The following SEMA6D variants were observed in gnomAD, a reference collection of about 807,000 sequenced individuals.
SEMA6D encodes semaphorin-6D.
A neutral mutation model predicts 106.6 loss-of-function variants in SEMA6D; 35 were observed. That is an observed-to-expected ratio of 0.33 (90% CI 0.25 to 0.44). The LOEUF is 0.44. Among genes scored for constraint, SEMA6D ranks in the 20% least tolerant of loss-of-function variants. The probability of loss-of-function intolerance (pLI) is 1.00; values close to 1 mark genes in which losing one functional copy is unlikely to be tolerated. For missense variants in SEMA6D, 1,185 were observed against 1,345.9 expected, an observed-to-expected ratio of 0.88 and a Z score of 1.87; for synonymous variants, 499 against 487.7, an observed-to-expected ratio of 1.02 and a Z score of -0.31.
At chr15:47,437,016 G>A (rs982707198) in intron 2 of SEMA6D, among the ~76,000 whole-genome samples, 1 of 104,810 alleles carries the variant, frequency 9.5e-6, no homozygotes, top group African/African-American at 3.6e-5. Flanking sequence ...GGAAAGAAAA[G>A]AAAGAAAGAG....
chr15:47,658,584 G>T (rs1452344647), intron 4 of SEMA6D, among the ~76,000 whole-genome samples: 1 of 152,102 alleles, frequency 6.6e-6, no homozygotes, highest in Non-Finnish European at 1.5e-5. Context: ...ACTGGACAAA[G>T]GTACTTGTGT....
chr15:47,364,244 A>T (rs1055922968), intron 1 of SEMA6D, among the ~76,000 whole-genome samples: 4 of 152,158 alleles, frequency 2.6e-5, no homozygotes, highest in African/African-American at 7.2e-5. Context: ...TCCTGGTAGG[A>T]GGTTGTGGAA....
intron 1 of SEMA6D, among the ~76,000 whole-genome samples, chr15:47,409,825 G>A (rs1440459935): frequency 6.6e-6 from 1 of 151,522 alleles, no homozygotes; most frequent in Non-Finnish European, 1.5e-5. Context: ...GACATGCTGG[G>A]AGTGGGGAAG....
chr15:47,669,332 T>G (rs1250590701), intron 4 of SEMA6D, among the ~76,000 whole-genome samples: 1 of 152,244 alleles, frequency 6.6e-6, no homozygotes, highest in Non-Finnish European at 1.5e-5. Context: ...AGTCTGTAAC[T>G]TCTTCATCAG....
At chr15:47,439,939 G>A (rs1704039939) in intron 2 of SEMA6D, among the ~76,000 whole-genome samples, 1 of 152,118 alleles carries the variant, frequency 6.6e-6, no homozygotes, top group Non-Finnish European at 1.5e-5. Context: ...AAAATACAAT[G>A]CATCTGAGAC....
intron 3 of SEMA6D, among the ~76,000 whole-genome samples, chr15:47,573,713 G>T (rs1298110948): frequency 6.6e-6 from 1 of 152,116 alleles, no homozygotes; most frequent in Admixed American, 6.6e-5. Flanking sequence ...TCAATCAGCT[G>T]GACTCCTTAT....
chr15:47,286,253 C>T (rs1016560278), intron 1 of SEMA6D, among the ~76,000 whole-genome samples: 2 of 152,078 alleles, frequency 1.3e-5, no homozygotes, highest in African/African-American at 4.8e-5. Flanking sequence ...ATGAACTTGC[C>T]CAGTGTGCAG....
intron 1 of SEMA6D, among the ~76,000 whole-genome samples, chr15:47,300,458 A>G (rs1402918496): frequency 6.6e-6 from 1 of 152,142 alleles, no homozygotes; most frequent in Non-Finnish European, 1.5e-5. Context: ...GGGAGGCACG[A>G]TCATAAATAG....
At chr15:47,227,992 T>TTA (rs1266895237) in intron 1 of SEMA6D, among the ~76,000 whole-genome samples, 14 of 115,772 alleles carry the variant, frequency 1.2e-4, no homozygotes, top group East Asian at 3.4e-4. Flanking sequence ...TATAAGATTC[T>TTA]TATATATTTT....
At chr15:47,549,801 G>A (rs1435746) in intron 3 of SEMA6D, among the ~76,000 whole-genome samples, 67,391 of 151,974 alleles carry the variant, frequency 0.44, 15,956 homozygotes, top group Non-Finnish European at 0.53. Context: ...GTGCCTTTAA[G>A]AAAATTAAAG....
At chr15:47,353,642 T>C (rs2038420044) in intron 1 of SEMA6D, among the ~76,000 whole-genome samples, 1 of 152,196 alleles carries the variant, frequency 6.6e-6, no homozygotes, top group African/African-American at 2.4e-5. Context: ...TTTTAATATC[T>C]GATCTTCCCA....
intron 1 of SEMA6D, among the ~76,000 whole-genome samples, chr15:47,340,984 C>G (rs888158645): frequency 6.6e-6 from 1 of 152,120 alleles, no homozygotes; most frequent in Non-Finnish European, 1.5e-5. Flanking sequence ...ATCTTAATGC[C>G]TTGAACCCTT....
At chr15:47,248,032 A>C (rs1269529527) in intron 1 of SEMA6D, among the ~76,000 whole-genome samples, 1 of 152,220 alleles carries the variant, frequency 6.6e-6, no homozygotes, top group African/African-American at 2.4e-5. Context: ...AGTGGTTCAC[A>C]GTAATGACAT....
intron 1 of SEMA6D, among the ~76,000 whole-genome samples, chr15:47,244,146 AC>A (rs2033076563): frequency 6.6e-6 from 1 of 152,106 alleles, no homozygotes; most frequent in Non-Finnish European, 1.5e-5. Flanking sequence ...GGAGGCACTT[AC>A]CAAACATTGG....
intron 1 of SEMA6D, among the ~76,000 whole-genome samples, chr15:47,373,410 T>C (rs993006890): frequency 6.6e-6 from 1 of 152,210 alleles, no homozygotes; most frequent in African/African-American, 2.4e-5. Flanking sequence ...TAATGACATA[T>C]ATTAACTCTT....
At chr15:47,310,179 A>G (rs1326317013) in intron 1 of SEMA6D, among the ~76,000 whole-genome samples, 1 of 152,174 alleles carries the variant, frequency 6.6e-6, no homozygotes, top group East Asian at 1.9e-4. Context: ...TCATGTGGTA[A>G]GTGTTTACTC....
chr15:47,768,867 A>G, intron 18 of SEMA6D, 119 bp downstream of exon 18: 1 of 849,050 alleles, frequency 1.2e-6, no homozygotes, highest in Non-Finnish European at 1.8e-6. Context: ...TTGTACCTCC[A>G]CCGCCCCTTG....
Position 47,770,758 on chromosome 15 carries a change from T to A in SEMA6D, c.2195T>A (p.Ile732Asn), listed in dbSNP as rs770240160. ...DSPVKEYQQN[I>N]DSPKLYSNLL... ...CCTGTCAAGGAATACCAACAGAATA[T>A]TGATTCTCCTAAACTGTATAGTAAC... Residue 732 changes from isoleucine (I) to asparagine (N), a missense_variant, in exon 19 of 19, where the codon ATT (isoleucine) becomes AAT (asparagine). Physicochemically the swap from Ile to Asn is moderately radical, Grantham distance 149. This residue lies in a region of SEMA6D where 750 missense variants were observed against 783.5 expected (regional missense o/e 0.96). Coordinates refer to ENST00000536845, the MANE Select transcript of SEMA6D (RefSeq NM_001358351.3). 6.8e-6 allele frequency: 11 copies of A among 1,614,100 alleles called. No homozygotes were observed. Among genetic ancestry groups the A allele is most frequent in the Non-Finnish European group, 9.3e-6 (11 of 1,179,990 alleles).
intron 1 of SEMA6D, among the ~76,000 whole-genome samples, chr15:47,325,703 T>C (rs2037105042): frequency 6.6e-6 from 1 of 152,176 alleles, no homozygotes. Context: ...GTCTAAATGC[T>C]CAGTCTCTCC....
Sources: gnomAD v4.1 joint callset for allele counts (sites outside exome capture counted in the v4.1 genomes callset) on GRCh38, gnomAD v4.1.1 for gene constraint, gnomAD v4.1.1 regional missense constraint, MANE v1.5 for transcripts, NCBI Gene and HGNC (gene_info 2026-07-23, HGNC 2026-07-21) for gene names.